The following HDAC9 variants were observed in gnomAD, a reference collection of about 807,000 sequenced individuals.
HDAC9 encodes histone deacetylase 9.
HDAC9 carries 41 observed loss-of-function variants against 139.4 expected under a neutral mutation model. The observed-to-expected ratio is 0.29, with a 90% confidence interval of 0.23 to 0.38. The LOEUF is 0.38. Among genes scored for constraint, HDAC9 ranks in the 10% least tolerant of loss-of-function variants. HDAC9 has a pLI of 1.00. For missense variants in HDAC9, 1,147 were observed against 1,297.0 expected (o/e 0.88, Z 1.78); for synonymous variants, 517 against 476.2 (o/e 1.09, Z -1.12).
intron 1 of HDAC9, among the ~76,000 whole-genome samples, chr7:18,411,508 G>C (rs897575969): frequency 6.6e-6 from 1 of 152,052 alleles, no homozygotes; most frequent in Non-Finnish European, 1.5e-5. Flanking sequence ...GCATGTAGCT[G>C]GGGCTACAGG....
At chr7:18,475,769 G>T (rs1289950057) in intron 1 of HDAC9, among the ~76,000 whole-genome samples, 1 of 152,212 alleles carries the variant, frequency 6.6e-6, no homozygotes, top group Non-Finnish European at 1.5e-5. Flanking sequence ...GAATGACTGT[G>T]TTAGGCTCTA....
At chr7:18,528,459 A>G (rs1737642336) in intron 2 of HDAC9, among the ~76,000 whole-genome samples, 1 of 152,138 alleles carries the variant, frequency 6.6e-6, no homozygotes, top group African/African-American at 2.4e-5. Flanking sequence ...CTGGGTTTTC[A>G]GACCAAATGG....
chr7:18,275,393 G>A (rs376589017), intron 2 of HDAC9, among the ~76,000 whole-genome samples: 3 of 152,182 alleles, frequency 2.0e-5, no homozygotes, highest in East Asian at 1.9e-4. Context: ...CAGCCCCACC[G>A]TTTATTCTTA....
intron 25 of HDAC9, among the ~76,000 whole-genome samples, chr7:18,995,560 C>T (rs1219982538): frequency 1.3e-5 from 2 of 152,148 alleles, no homozygotes; most frequent in African/African-American, 4.8e-5. Context: ...TTTGAAATGC[C>T]TCCGGCAGGC....
At chr7:18,123,701 T>G (rs924054955) in intron 1 of HDAC9, among the ~76,000 whole-genome samples, 1 of 152,176 alleles carries the variant, frequency 6.6e-6, no homozygotes, top group African/African-American at 2.4e-5. Flanking sequence ...GTATGAAGGC[T>G]AGGGCAGGCA....
At chr7:18,488,037 T>G (rs1586241666) in intron 1 of HDAC9, among the ~76,000 whole-genome samples, 1 of 152,060 alleles carries the variant, frequency 6.6e-6, no homozygotes, top group East Asian at 1.9e-4. Context: ...AGACTTATTT[T>G]GTGGAATAAA....
At chr7:18,216,106 C>G (rs372294527) in intron 2 of HDAC9, among the ~76,000 whole-genome samples, 39 of 148,052 alleles carry the variant, frequency 2.6e-4, no homozygotes, top group African/African-American at 9.7e-4. Context: ...GCCTGCGTGT[C>G]TGTGTGTGTG....
intron 23 of HDAC9, among the ~76,000 whole-genome samples, chr7:18,936,528 T>C (rs1236667500): frequency 2.0e-5 from 3 of 152,200 alleles, no homozygotes; most frequent in African/African-American, 7.2e-5. Context: ...CAACATACTT[T>C]CTGACTACTC....
At chr7:18,113,174 G>A (rs887698749) in intron 1 of HDAC9, among the ~76,000 whole-genome samples, 5 of 152,146 alleles carry the variant, frequency 3.3e-5, no homozygotes, top group African/African-American at 1.2e-4. Flanking sequence ...TCAGTGAATT[G>A]TAATTTAAGA....
At chr7:18,185,312 C>G (rs1372987312) in intron 2 of HDAC9, among the ~76,000 whole-genome samples, 2 of 152,194 alleles carry the variant, frequency 1.3e-5, no homozygotes, top group African/African-American at 4.8e-5. Context: ...ATGATACTGA[C>G]TTAATTTGAC....
intron 11 of HDAC9, among the ~76,000 whole-genome samples, chr7:18,650,861 G>T (rs1370392565): frequency 6.6e-6 from 1 of 152,140 alleles, no homozygotes; most frequent in Non-Finnish European, 1.5e-5. Context: ...TGGGTGTTTA[G>T]ATGACTCAAG....
At chr7:18,931,728 G>C (rs1324504333) in intron 22 of HDAC9, among the ~76,000 whole-genome samples, 4 of 152,134 alleles carry the variant, frequency 2.6e-5, no homozygotes, top group African/African-American at 7.2e-5. Context: ...CTCATTATCT[G>C]ATGATTTTAT....
intron 1 of HDAC9, among the ~76,000 whole-genome samples, chr7:18,386,278 A>G (rs1464445180): frequency 2.0e-5 from 3 of 152,138 alleles, no homozygotes; most frequent in African/African-American, 7.2e-5. Context: ...CCTGCATCAT[A>G]TATGTGCAGT....
intron 1 of HDAC9, among the ~76,000 whole-genome samples, chr7:18,411,335 C>T (rs1370084279): frequency 1.3e-5 from 2 of 152,158 alleles, no homozygotes; most frequent in Non-Finnish European, 2.9e-5. Context: ...TTCTGTGTTT[C>T]ATTTTTAGTA....
chr7:18,207,106 GT>G (rs913616137), intron 2 of HDAC9, among the ~76,000 whole-genome samples: 8 of 151,376 alleles, frequency 5.3e-5, no homozygotes, highest in African/African-American at 1.9e-4. Context: ...GTTTGTTTTT[GT>G]TTTTGTTTTT....
chr7:18,515,104 TTA>T, intron 2 of HDAC9, among the ~76,000 whole-genome samples: 1 of 152,316 alleles, frequency 6.6e-6, no homozygotes, highest in Non-Finnish European at 1.5e-5. Context: ...GAAAGAGAGA[TTA>T]TATTGGTTAT....
At chr7:18,929,152 T>C (rs1804503720) in intron 22 of HDAC9, among the ~76,000 whole-genome samples, 1 of 152,138 alleles carries the variant, frequency 6.6e-6, no homozygotes, top group Non-Finnish European at 1.5e-5. Context: ...GCTTAATCTT[T>C]GAGCCTTCTT....
chr7:18,527,371 G>A (rs1807294657), intron 2 of HDAC9, among the ~76,000 whole-genome samples: 2 of 151,962 alleles, frequency 1.3e-5, no homozygotes, highest in African/African-American at 4.8e-5. Context: ...TTGCTATATG[G>A]ACTATATGTA....
At chr7:18,209,614 G>A (rs1039133236) in intron 2 of HDAC9, among the ~76,000 whole-genome samples, 5 of 152,162 alleles carry the variant, frequency 3.3e-5, no homozygotes, top group Admixed American at 2.0e-4. Flanking sequence ...ATTTTGAGAT[G>A]AGACAGATCA....
Sources: allele counts gnomAD v4.1 joint callset (sites outside exome capture counted in the v4.1 genomes callset), GRCh38; gene constraint gnomAD v4.1.1; transcripts MANE v1.5; gene names NCBI Gene and HGNC (gene_info 2026-07-23, HGNC 2026-07-21).